Variants in RELN observed in about 807,000 individuals in gnomAD.
The protein encoded by RELN is reelin.
In RELN, 108 loss-of-function variants were observed where a neutral mutation model predicts 427.6. That is an observed-to-expected ratio of 0.25 (90% CI 0.22 to 0.30). RELN has a LOEUF of 0.30. Ranked by LOEUF, RELN falls within the 10% of genes least tolerant of loss-of-function variation. The pLI, the probability that RELN is intolerant of heterozygous loss-of-function variation, is 1.00. For missense variants in RELN, 3,715 were observed against 4,302.8 expected (o/e 0.86, Z 3.82); for synonymous variants, 1,524 against 1,513.4 (o/e 1.01, Z -0.16).
At chr7:103,970,941 A>C (rs1289486855) in intron 1 of RELN, among the ~76,000 whole-genome samples, 2 of 152,108 alleles carry the variant, frequency 1.3e-5, no homozygotes, top group African/African-American at 4.8e-5. Flanking sequence ...GGATCACCTG[A>C]GGTCAGGAGT....
At chr7:103,959,620 T>G (rs1796505914) in intron 1 of RELN, among the ~76,000 whole-genome samples, 1 of 152,134 alleles carries the variant, frequency 6.6e-6, no homozygotes, top group South Asian at 2.1e-4. Flanking sequence ...TCTCTTTTTT[T>G]CTTTTTCTGA....
At chr7:103,786,322 C>T (rs1792014242) in intron 3 of RELN, among the ~76,000 whole-genome samples, 1 of 151,276 alleles carries the variant, frequency 6.6e-6, no homozygotes, top group African/African-American at 2.4e-5. Flanking sequence ...AAATTGCTTC[C>T]CTAAACAGCT....
At chr7:103,773,484 T>C (rs1338638057) in intron 4 of RELN, among the ~76,000 whole-genome samples, 1 of 150,770 alleles carries the variant, frequency 6.6e-6, no homozygotes, top group Non-Finnish European at 1.5e-5. Flanking sequence ...TCTCTCTTTC[T>C]TTCTTTTGAC....
intron 1 of RELN, among the ~76,000 whole-genome samples, chr7:103,927,917 G>C (rs77195725): frequency 1.8e-4 from 28 of 152,212 alleles, no homozygotes; most frequent in African/African-American, 6.5e-4. Context: ...GACTAAGTAT[G>C]CTCTGCTGGC....
At chr7:103,705,188 A>G (rs1562964371) in intron 8 of RELN, among the ~76,000 whole-genome samples, 1 of 152,218 alleles carries the variant, frequency 6.6e-6, no homozygotes, top group Non-Finnish European at 1.5e-5. Flanking sequence ...CAGAATGATT[A>G]GATCAGCCAA....
chr7:103,685,058 C>T (rs2115712411), intron 10 of RELN, among the ~76,000 whole-genome samples: 1 of 152,196 alleles, frequency 6.6e-6, no homozygotes, highest in South Asian at 2.1e-4. Flanking sequence ...TTTAAAAGCC[C>T]TCCTCCAAAT....
intron 3 of RELN, among the ~76,000 whole-genome samples, chr7:103,799,890 T>C (rs1792401326): frequency 6.6e-6 from 1 of 152,142 alleles, no homozygotes; most frequent in African/African-American, 2.4e-5. Context: ...CATAGGGTAA[T>C]GGTGAAGGTT....
chr7:103,705,963 T>G (rs1052062830), intron 8 of RELN, among the ~76,000 whole-genome samples: 3 of 152,234 alleles, frequency 2.0e-5, no homozygotes, highest in African/African-American at 4.8e-5. Context: ...ATAAATTTAT[T>G]TATCCCAGAA....
At chr7:103,843,002 T>C (rs552024880) in intron 2 of RELN, among the ~76,000 whole-genome samples, 2 of 152,218 alleles carry the variant, frequency 1.3e-5, no homozygotes, top group South Asian at 4.1e-4. Flanking sequence ...TCTGCCTATG[T>C]TTAGAACCTT....
intron 3 of RELN, among the ~76,000 whole-genome samples, chr7:103,794,525 C>T (rs1460070646): frequency 6.6e-6 from 1 of 152,090 alleles, no homozygotes; most frequent in African/African-American, 2.4e-5. Flanking sequence ...ATATCACATG[C>T]ATATCTAAGT....
chr7:103,528,818 T>C (rs1391754652), intron 46 of RELN, among the ~76,000 whole-genome samples: 1 of 151,064 alleles, frequency 6.6e-6, no homozygotes, highest in Non-Finnish European at 1.5e-5. Flanking sequence ...CATGAGCCAC[T>C]GCACCCAGCC....
intron 1 of RELN, among the ~76,000 whole-genome samples, chr7:103,922,117 T>C (rs905871606): frequency 1.1e-4 from 16 of 152,266 alleles, no homozygotes; most frequent in Non-Finnish European, 2.4e-4. Context: ...ATGTAGCCAG[T>C]GTAACCAAAA....
chr7:103,523,564 G>A (rs1829757678), intron 46 of RELN, 33 bp from the exon 47 acceptor site: 1 of 1,613,348 alleles, frequency 6.2e-7, no homozygotes, highest in Non-Finnish European at 8.5e-7. Context: ...AATGAAGGAT[G>A]CTGTGGAAAA....
chr7:103,472,397 T>C lies in RELN; in HGVS notation c.*415A>G, dbSNP rs971913503. The C allele has an allele frequency of 4.3e-6, 1 of 233,370 alleles. No individual in the cohort carries two copies. Among genetic ancestry groups the C allele is most frequent in the Non-Finnish European group, 8.5e-6 (1 of 117,388 alleles). The allele number at this position is 233,370 out of a possible 1,614,324, so 14.5% of individuals were successfully genotyped here. ...GACAAACAATGATAATTTAATCATA[T>C]AAAACATGAGACATAGCCGAAATAC... is the stretch of plus-strand genomic sequence containing the variant. On this transcript the variant is annotated 3_prime_UTR_variant, in exon 65 of 65. Coordinates refer to ENST00000428762, the MANE Select transcript of RELN (RefSeq NM_005045.4).
intron 6 of RELN, among the ~76,000 whole-genome samples, chr7:103,732,649 A>C (rs907594583): frequency 7.2e-5 from 11 of 152,162 alleles, no homozygotes; most frequent in Non-Finnish European, 1.3e-4. Flanking sequence ...TTATGGATAT[A>C]AATAAACATT....
intron 3 of RELN, among the ~76,000 whole-genome samples, chr7:103,781,839 T>C (rs1242640793): frequency 6.6e-6 from 1 of 152,100 alleles, no homozygotes; most frequent in African/African-American, 2.4e-5. Context: ...TGTTATTTTA[T>C]GTAATTTACA....
chr7:103,817,783 T>C (rs1279514486), intron 3 of RELN, among the ~76,000 whole-genome samples: 2 of 151,766 alleles, frequency 1.3e-5, no homozygotes, highest in South Asian at 2.1e-4. Flanking sequence ...TCGTTTCTAC[T>C]AAAAATACAA....
chr7:103,578,018 G>A (rs978196473), intron 28 of RELN, among the ~76,000 whole-genome samples: 3 of 152,152 alleles, frequency 2.0e-5, no homozygotes, highest in East Asian at 1.9e-4. Context: ...TCAGATTTGG[G>A]CCCAGAAGAA....
intron 3 of RELN, among the ~76,000 whole-genome samples, chr7:103,790,652 A>G (rs1792138934): frequency 6.6e-6 from 1 of 152,100 alleles, no homozygotes; most frequent in Non-Finnish European, 1.5e-5. Context: ...TGCCCTGGTC[A>G]TAGGATTGGT....
Sources: gnomAD v4.1 joint callset for allele counts (sites outside exome capture counted in the v4.1 genomes callset) on GRCh38, gnomAD v4.1.1 for gene constraint, MANE v1.5 for transcripts, NCBI Gene and HGNC (gene_info 2026-07-23, HGNC 2026-07-21) for gene names.